The following JAKMIP2 variants were observed in gnomAD, a reference collection of about 807,000 sequenced individuals.
JAKMIP2 encodes the protein janus kinase and microtubule-interacting protein 2.
In JAKMIP2, 25 loss-of-function variants were observed where a neutral mutation model predicts 115.0. The observed-to-expected ratio is 0.22, with a 90% CI of 0.16 to 0.30. The LOEUF (loss-of-function observed/expected upper bound fraction) is 0.30, where lower values mean the gene tolerates loss of function less well. Among genes scored for constraint, JAKMIP2 ranks in the 10% least tolerant of loss-of-function variants. The pLI is 1.00. For synonymous variants in JAKMIP2, 334 were observed against 343.6 expected (o/e 0.97, Z 0.31); for missense variants, 642 against 957.6 (o/e 0.67, Z 4.35).
At chr5:147,647,148 A>C (rs1167404746) in intron 5 of JAKMIP2, among the ~76,000 whole-genome samples, 1 of 152,086 alleles carries the variant, frequency 6.6e-6, no homozygotes, top group East Asian at 1.9e-4. Context: ...TACAAAGTAC[A>C]TTCTCTGACT....
intron 2 of JAKMIP2, among the ~76,000 whole-genome samples, chr5:147,668,166 TCA>T (rs1182537743): frequency 6.6e-6 from 1 of 152,174 alleles, no homozygotes; most frequent in African/African-American, 2.4e-5. Context: ...CTGATTATTC[TCA>T]GTCTTGCAAC....
intron 1 of JAKMIP2, among the ~76,000 whole-genome samples, chr5:147,743,114 A>G (rs1754211670): frequency 6.6e-6 from 1 of 152,230 alleles, no homozygotes; most frequent in African/African-American, 2.4e-5. Flanking sequence ...TAGTTCTTTA[A>G]GTCATCATCT....
chr5:147,754,334 T>C (rs903756302), intron 1 of JAKMIP2, among the ~76,000 whole-genome samples: 3 of 152,096 alleles, frequency 2.0e-5, no homozygotes, highest in Non-Finnish European at 4.4e-5. Flanking sequence ...GGCCCCAGGA[T>C]ACAAAACAAA....
chr5:147,707,054 C>A (rs545882150), intron 1 of JAKMIP2, among the ~76,000 whole-genome samples: 16 of 152,230 alleles, frequency 1.1e-4, no homozygotes, highest in African/African-American at 3.9e-4. Context: ...TTAATACAGG[C>A]AGTTAAACAG....
At chr5:147,647,213 A>T (rs1276252976) in intron 5 of JAKMIP2, among the ~76,000 whole-genome samples, 1 of 152,048 alleles carries the variant, frequency 6.6e-6, no homozygotes, top group Non-Finnish European at 1.5e-5. Flanking sequence ...AAAATCTCTA[A>T]ATGTTTTGAA....
intron 1 of JAKMIP2, among the ~76,000 whole-genome samples, chr5:147,676,640 C>A (rs1245806525): frequency 6.6e-6 from 1 of 152,186 alleles, no homozygotes; most frequent in Non-Finnish European, 1.5e-5. Flanking sequence ...ACTCTTCAGG[C>A]CTTCCACTAT....
intron 1 of JAKMIP2, among the ~76,000 whole-genome samples, chr5:147,714,516 A>C (rs761490012): frequency 6.6e-6 from 1 of 152,202 alleles, no homozygotes; most frequent in Non-Finnish European, 1.5e-5. Flanking sequence ...TTCAATAGAG[A>C]CTTAAAAGAA....
intron 2 of JAKMIP2, among the ~76,000 whole-genome samples, chr5:147,665,881 C>T (rs1759274615): frequency 1.3e-5 from 2 of 152,100 alleles, no homozygotes; most frequent in South Asian, 4.1e-4. Flanking sequence ...CTGTCATTTA[C>T]CCCAAATTAT....
intron 15 of JAKMIP2, among the ~76,000 whole-genome samples, chr5:147,629,138 A>C (rs951830877): frequency 6.6e-6 from 1 of 152,182 alleles, no homozygotes; most frequent in Non-Finnish European, 1.5e-5. Context: ...GTTTTGATGT[A>C]ATTTTACTAA....
At chr5:147,748,827 A>G (rs1021800635) in intron 1 of JAKMIP2, among the ~76,000 whole-genome samples, 1 of 152,174 alleles carries the variant, frequency 6.6e-6, no homozygotes, top group Non-Finnish European at 1.5e-5. Context: ...TATCTAAATC[A>G]GACACCACCT....
intron 1 of JAKMIP2, among the ~76,000 whole-genome samples, chr5:147,769,188 C>T (rs1755258259): frequency 6.6e-6 from 1 of 152,120 alleles, no homozygotes; most frequent in Non-Finnish European, 1.5e-5. Context: ...GGAGGTGCCA[C>T]TCACACAGTC....
At chr5:147,708,048 A>G (rs1752646125) in intron 1 of JAKMIP2, among the ~76,000 whole-genome samples, 1 of 152,196 alleles carries the variant, frequency 6.6e-6, no homozygotes, top group Non-Finnish European at 1.5e-5. Context: ...CTATTTTCTA[A>G]AAGATATCCT....
intron 5 of JAKMIP2, 23 bp from the exon 6 acceptor site, chr5:147,645,019 T>G: frequency 6.2e-7 from 1 of 1,610,848 alleles, no homozygotes; most frequent in South Asian, 1.1e-5. Context: ...AAGTGAAGAT[T>G]TGTGTCTTGC....
intron 7 of JAKMIP2, among the ~76,000 whole-genome samples, chr5:147,642,342 C>T (rs1757919721): frequency 6.6e-6 from 1 of 151,932 alleles, no homozygotes; most frequent in South Asian, 2.1e-4. Flanking sequence ...TCAAAGAATG[C>T]CTAGAAATAT....
At chr5:147,653,480 T>C (rs901597259) in intron 3 of JAKMIP2, among the ~76,000 whole-genome samples, 1 of 152,208 alleles carries the variant, frequency 6.6e-6, no homozygotes, top group Non-Finnish European at 1.5e-5. Context: ...AGCTTTTTTT[T>C]TTCATGTTTG....
chr5:147,643,712 A>G (rs1192894442), intron 7 of JAKMIP2, among the ~76,000 whole-genome samples: 1 of 152,204 alleles, frequency 6.6e-6, no homozygotes. Context: ...AGCATAGACA[A>G]CATATTAAAT....
intron 1 of JAKMIP2, among the ~76,000 whole-genome samples, chr5:147,745,056 C>CA (rs60275664): frequency 0.16 from 13,704 of 88,010 alleles, 915 homozygotes; most frequent in Middle Eastern, 0.31. Flanking sequence ...GACTCTGTCT[C>CA]AAAAAAAAAA....
rs1367670930 is a variant in JAKMIP2 at position 147,589,990 on chromosome 5, C to G, written c.*1717G>C. On this transcript the variant is annotated 3_prime_UTR_variant, in exon 22 of 22. Transcript: ENST00000616793. Reference sequence around the variant, plus strand: ...AAACTTTATGAAAAAGCATTTTAACCCCATTTTGCAGATGAGGAAACTGAG... The same window carrying G: ...AAACTTTATGAAAAAGCATTTTAACGCCATTTTGCAGATGAGGAAACTGAG... The G allele has an allele frequency of 1.3e-5, 2 of 152,254 alleles. No homozygotes were observed. Among genetic ancestry groups the G allele is most frequent in the African/African-American group, 2.4e-5 (1 of 41,550 alleles). 9.4% of individuals were successfully genotyped at this position (152,254 alleles called of 1,614,324 possible).
chr5:147,722,753 G>A (rs752806536), intron 1 of JAKMIP2, among the ~76,000 whole-genome samples: 7 of 152,156 alleles, frequency 4.6e-5, no homozygotes, highest in Non-Finnish European at 8.8e-5. Context: ...GATGAAACAA[G>A]ACTACCTATC....
Sources: allele counts gnomAD v4.1 joint callset (sites outside exome capture counted in the v4.1 genomes callset), GRCh38; gene constraint gnomAD v4.1.1; transcripts MANE v1.5; gene names NCBI Gene and HGNC (gene_info 2026-07-23, HGNC 2026-07-21).